The following MTUS1 variants were observed in gnomAD, a reference collection of about 807,000 sequenced individuals.
MTUS1 encodes the protein microtubule-associated tumor suppressor 1.
Under a neutral mutation model 120.8 loss-of-function variants are expected in MTUS1, and 109 were observed. The observed-to-expected ratio is 0.90, with a 90% confidence interval of 0.77 to 1.06. The LOEUF (loss-of-function observed/expected upper bound fraction) is 1.06, where lower values mean the gene tolerates loss of function less well. Among genes scored for constraint, MTUS1 ranks in the 50% least tolerant of loss-of-function variants. The pLI, the probability that MTUS1 is intolerant of heterozygous loss-of-function variation, is 0.00. For synonymous variants in MTUS1, 737 were observed against 550.5 expected (o/e 1.34, Z -4.74); for missense variants, 2,210 against 1,486.3 (o/e 1.49, Z -8.01).
At chr8:17,652,745 A>C (rs1241407570) in intron 12 of MTUS1, among the ~76,000 whole-genome samples, 1 of 151,780 alleles carries the variant, frequency 6.6e-6, no homozygotes, top group Non-Finnish European at 1.5e-5. Context: ...GTGAGGCAGG[A>C]GACTCGCTTG....
intron 4 of MTUS1, 136 bp downstream of exon 4, chr8:17,723,536 G>A: frequency 1.1e-6 from 1 of 873,494 alleles, no homozygotes; most frequent in Non-Finnish European, 1.9e-6. Flanking sequence ...CAAACTTTCA[G>A]AGCAACTCCA....
chr8:17,778,895 T>G (rs901906201), intron 1 of MTUS1, among the ~76,000 whole-genome samples: 1 of 152,218 alleles, frequency 6.6e-6, no homozygotes, highest in South Asian at 2.1e-4. Context: ...GTGTCTGTTT[T>G]ATAATATTGG....
At chr8:17,692,359 T>A (rs1027620371) in intron 6 of MTUS1, 1 of 151,970 alleles carries the variant, frequency 6.6e-6, no homozygotes, top group African/African-American at 2.4e-5. Flanking sequence ...GCAGCTACTG[T>A]GAGATCATGA....
intron 3 of MTUS1, among the ~76,000 whole-genome samples, chr8:17,736,137 G>C (rs758584630): frequency 6.6e-6 from 1 of 152,180 alleles, no homozygotes; most frequent in South Asian, 2.1e-4. Flanking sequence ...CCTGCACTGT[G>C]ACATATTAAG....
At chr8:17,796,232 G>C (rs1283114483) in intron 1 of MTUS1, among the ~76,000 whole-genome samples, 2 of 272 alleles carry the variant, frequency 7.4e-3, no homozygotes, top group African/African-American at 0.019. Flanking sequence ...ATTACAATGA[G>C]CCACCACGCC....
At chr8:17,663,425 T>C (rs967163126) in intron 8 of MTUS1, among the ~76,000 whole-genome samples, 1 of 152,224 alleles carries the variant, frequency 6.6e-6, no homozygotes, top group African/African-American at 2.4e-5. Flanking sequence ...TATATCTGAG[T>C]AGCATGGTTC....
chr8:17,796,989 G>C (rs1173357871), intron 1 of MTUS1, among the ~76,000 whole-genome samples: 2 of 152,102 alleles, frequency 1.3e-5, no homozygotes, highest in South Asian at 4.1e-4. Context: ...GCGCACACCT[G>C]TAATCCCAGC....
At chr8:17,786,377 G>T (rs1044536130) in intron 1 of MTUS1, among the ~76,000 whole-genome samples, 1 of 152,032 alleles carries the variant, frequency 6.6e-6, no homozygotes, top group Non-Finnish European at 1.5e-5. Context: ...CAGGACCCAG[G>T]CACCATCTCA....
intron 7 of MTUS1, among the ~76,000 whole-genome samples, chr8:17,682,953 T>C (rs1264351922): frequency 1.3e-5 from 2 of 151,638 alleles, no homozygotes; most frequent in African/African-American, 4.8e-5. Context: ...CAAAAAAATC[T>C]GGAGAAAGCT....
At chr8:17,694,679 C>CAA (rs57560186) in intron 6 of MTUS1, among the ~76,000 whole-genome samples, 2 of 151,516 alleles carry the variant, frequency 1.3e-5, no homozygotes, top group African/African-American at 2.4e-5. Flanking sequence ...AACAAAGCAA[C>CAA]AAAAAAACAA....
At chr8:17,768,420 T>C (rs767833561) in intron 1 of MTUS1, among the ~76,000 whole-genome samples, 15 of 152,168 alleles carry the variant, frequency 9.9e-5, no homozygotes, top group Admixed American at 2.0e-4. Context: ...CTAGTTTAAT[T>C]ATCCAAGGAA....
chr8:17,765,870 A>G (rs185574216), intron 1 of MTUS1, among the ~76,000 whole-genome samples: 4 of 152,258 alleles, frequency 2.6e-5, no homozygotes, highest in Non-Finnish European at 4.4e-5. Flanking sequence ...ATCAGGTACC[A>G]TAGGGCTTCT....
In MTUS1 at chr8:17,694,939, T is replaced by G. The variant is rs544962655; in HGVS notation, c.2624-10397A>C. 5.3e-5 allele frequency among the ~76,000 whole-genome samples: 8 copies of G among 152,244 alleles called. No homozygotes were observed. In the South Asian group the frequency reaches 1.7e-3, roughly 32 times the overall value. ...CCCTTATTTTGTAGCCGTGTGAGGT[T>G]AGGTGCACAGGGCTATTCACTTGGT... On this transcript the variant is annotated intron_variant, in intron 6 of 14. Coordinates refer to ENST00000693296, the MANE Select transcript of MTUS1 (RefSeq NM_001363059.2).
rs375331074 is a variant in MTUS1 at position 17,653,178 on chromosome 8, C to T, written c.3384+8G>A. The T allele has an allele frequency of 1.0e-4, 158 of 1,505,272 alleles. No homozygotes were observed. The African/African-American group carries it at 1.8e-3, about 17-fold the overall frequency. 93.2% of individuals were successfully genotyped at this position (1,505,272 alleles called of 1,614,324 possible). On this transcript the variant is annotated splice_region_variant and intron_variant, in intron 12 of 14. Coordinates refer to ENST00000693296, the MANE Select transcript of MTUS1 (RefSeq NM_001363059.2). ...TTCCATACTGATAAAGGAGCACACA[C>T]AACTTACCAAATTTGCTTTTTCTCT...
Position 17,675,194 on chromosome 8 carries a change from C to G in MTUS1, c.2897G>C (p.Gly966Ala). ...TLSQELVNLR[G>A]ELVTASTTCE... ...CAACAAAAAGCTCTTACCTAGCTCT[C>G]CCCGGAGGTTAACAAGTTCTTGAGA... Residue 966 changes from glycine (G) to alanine (A), a missense_variant, in exon 8 of 15, where the codon GGA (glycine) becomes GCA (alanine). By Grantham distance (60) the Gly-to-Ala change is moderately conservative. Transcript: ENST00000693296. The G allele has an allele frequency of 6.2e-7, 1 of 1,614,124 alleles. No individual in the cohort carries two copies. Among genetic ancestry groups the G allele is most frequent in the Non-Finnish European group, 8.5e-7 (1 of 1,179,994 alleles).
intron 6 of MTUS1, among the ~76,000 whole-genome samples, chr8:17,686,861 A>G (rs1173716359): frequency 6.6e-6 from 1 of 152,218 alleles, no homozygotes; most frequent in Non-Finnish European, 1.5e-5. Flanking sequence ...AGCATTTTTT[A>G]TACTTTTTAA....
chr8:17,747,630 G>C lies in MTUS1; in HGVS notation c.2092-3831C>G, dbSNP rs547218556. 4.6e-5 allele frequency among the ~76,000 whole-genome samples: 7 copies of C among 152,064 alleles called. No individual in the cohort carries two copies. In the East Asian group the frequency reaches 5.8e-4, roughly 13 times the overall value. ...TCTGAATAATGTCTTTTTACCAATT[G>C]AAAGTTGCCTTTTCCAAAACTACCT... On this transcript the variant is annotated intron_variant, in intron 2 of 14. Transcript: ENST00000693296.
chr8:17,740,092 C>G (rs2047199255), intron 3 of MTUS1, among the ~76,000 whole-genome samples: 1 of 151,960 alleles, frequency 6.6e-6, no homozygotes, highest in Non-Finnish European at 1.5e-5. Flanking sequence ...CTGTAAATCC[C>G]AGCTACTCAG....
chr8:17,711,015 T>A (rs1394582607), intron 6 of MTUS1, among the ~76,000 whole-genome samples: 2 of 152,210 alleles, frequency 1.3e-5, no homozygotes, highest in Admixed American at 6.5e-5. Context: ...ACAATGGGCT[T>A]AATATTCAGC....
Sources: allele counts gnomAD v4.1 joint callset (sites outside exome capture counted in the v4.1 genomes callset), GRCh38; gene constraint gnomAD v4.1.1; transcripts MANE v1.5; gene names NCBI Gene and HGNC (gene_info 2026-07-23, HGNC 2026-07-21).